The following THRB variants were observed in gnomAD, a reference collection of about 807,000 sequenced individuals.
THRB encodes thyroid hormone receptor beta.
Under a neutral mutation model 47.8 loss-of-function variants are expected in THRB, and 12 were observed. The ratio of observed to expected loss-of-function variants is 0.25; its 90% confidence interval spans 0.16 to 0.41. The LOEUF is 0.41. Ranked by LOEUF, THRB falls within the 10% of genes least tolerant of loss-of-function variation. The pLI is 1.00. For missense variants in THRB, 348 were observed against 589.2 expected, an observed-to-expected ratio of 0.59 and a Z score of 4.24; for synonymous variants, 218 against 212.2, an observed-to-expected ratio of 1.03 and a Z score of -0.24.
chr3:24,445,608 T>A (rs2071990997), intron 1 of THRB, among the ~76,000 whole-genome samples: 1 of 152,160 alleles, frequency 6.6e-6, no homozygotes, highest in Admixed American at 6.5e-5. Context: ...TTTTTAAAAT[T>A]TTTTTTAAAA....
intron 1 of THRB, among the ~76,000 whole-genome samples, chr3:24,404,105 T>C (rs1016049616): frequency 6.6e-6 from 1 of 151,928 alleles, no homozygotes; most frequent in African/African-American, 2.4e-5. Context: ...CTCAGATCTG[T>C]GGAGATGTAA....
At chr3:24,479,717 G>A (rs1696079685) in intron 1 of THRB, among the ~76,000 whole-genome samples, 1 of 152,138 alleles carries the variant, frequency 6.6e-6, no homozygotes, top group South Asian at 2.1e-4. Flanking sequence ...AAGTCCAAAT[G>A]AGGCCAACAA....
intron 1 of THRB, among the ~76,000 whole-genome samples, chr3:24,387,642 T>C (rs2066231283): frequency 6.6e-6 from 1 of 152,112 alleles, no homozygotes; most frequent in South Asian, 2.1e-4. Context: ...CAGTAGGCTA[T>C]CAAAAAGCAC....
chr3:24,474,118 A>G (rs1470162146), intron 1 of THRB, among the ~76,000 whole-genome samples: 1 of 152,244 alleles, frequency 6.6e-6, no homozygotes, highest in East Asian at 1.9e-4. Flanking sequence ...ATTTAAAAAA[A>G]GTTCGTTGTA....
At chr3:24,127,086 G>C (rs1273584043) in intron 10 of THRB, among the ~76,000 whole-genome samples, 1 of 152,194 alleles carries the variant, frequency 6.6e-6, no homozygotes, top group Non-Finnish European at 1.5e-5. Context: ...TTCAGTTGTA[G>C]CTAAGCCATG....
intron 4 of THRB, among the ~76,000 whole-genome samples, chr3:24,217,782 T>C (rs565651030): frequency 6.6e-6 from 1 of 152,288 alleles, no homozygotes; most frequent in East Asian, 1.9e-4. Flanking sequence ...TGTGGTCCCT[T>C]GCCTTGTCTG....
intron 5 of THRB, among the ~76,000 whole-genome samples, chr3:24,162,005 T>C (rs911101860): frequency 6.6e-6 from 1 of 152,028 alleles, no homozygotes; most frequent in Non-Finnish European, 1.5e-5. Context: ...GGCAGACTCC[T>C]AGGAAGGTTT....
chr3:24,180,519 A>G (rs1276749454), intron 5 of THRB, among the ~76,000 whole-genome samples: 3 of 152,248 alleles, frequency 2.0e-5, no homozygotes, highest in Admixed American at 6.5e-5. Context: ...GAGGTTCACA[A>G]TATATAATAA....
At chr3:24,344,343 C>T (rs1300348263) in intron 1 of THRB, among the ~76,000 whole-genome samples, 1 of 151,956 alleles carries the variant, frequency 6.6e-6, no homozygotes, top group Non-Finnish European at 1.5e-5. Flanking sequence ...TGTTTTCTAT[C>T]TGACATTTGA....
At chr3:24,277,558 G>A (rs550282242) in intron 3 of THRB, among the ~76,000 whole-genome samples, 2 of 152,246 alleles carry the variant, frequency 1.3e-5, no homozygotes, top group South Asian at 4.1e-4. Flanking sequence ...TTTTGAGAAT[G>A]ACTGGTCTAT....
chr3:24,478,217 A>T (rs1695783023), intron 1 of THRB, among the ~76,000 whole-genome samples: 1 of 152,050 alleles, frequency 6.6e-6, no homozygotes, highest in African/African-American at 2.4e-5. Flanking sequence ...CAGATTTTGG[A>T]GTATGCATAT....
At chr3:24,384,250 G>A (rs2065917516) in intron 1 of THRB, among the ~76,000 whole-genome samples, 1 of 152,090 alleles carries the variant, frequency 6.6e-6, no homozygotes, top group Admixed American at 6.6e-5. Flanking sequence ...AATGAGCCCT[G>A]TACATTAAAA....
At chr3:24,218,020 A>G (rs1443175227) in intron 4 of THRB, among the ~76,000 whole-genome samples, 3 of 152,172 alleles carry the variant, frequency 2.0e-5, no homozygotes, top group Non-Finnish European at 2.9e-5. Context: ...TAGTCCCAGC[A>G]CTTTGGGAGG....
At chr3:24,133,092 T>C (rs1006181784) in intron 9 of THRB, among the ~76,000 whole-genome samples, 1 of 152,196 alleles carries the variant, frequency 6.6e-6, no homozygotes, top group Admixed American at 6.5e-5. Flanking sequence ...GGGGGATGAA[T>C]AGGATCTTGA....
chr3:24,368,591 C>T (rs967760361), intron 1 of THRB, among the ~76,000 whole-genome samples: 8 of 152,206 alleles, frequency 5.3e-5, no homozygotes, highest in Middle Eastern at 6.8e-3. Flanking sequence ...TTGAAATAAC[C>T]GCAGAATAAA....
At chr3:24,286,652 C>G (rs527814728) in intron 3 of THRB, among the ~76,000 whole-genome samples, 1 of 152,192 alleles carries the variant, frequency 6.6e-6, no homozygotes, top group Non-Finnish European at 1.5e-5. Context: ...ACGCATTTCA[C>G]TAGCAGCTTT....
Position 24,239,416 on chromosome 3 carries a change from G to A in THRB, c.-42-10415C>T, listed in dbSNP as rs551446681. On this transcript the variant is annotated intron_variant, in intron 3 of 10. Transcript: ENST00000646209. ...TCAGGAATGCACCAGAGCAATTAGA[G>A]CAATCATTAGTTCCAATTTGCAAGA... Among the ~76,000 whole-genome samples, 3 of 152,182 alleles carry A rather than the reference G, an allele frequency of 2.0e-5. No individual in the cohort carries two copies. The South Asian group carries it at 6.2e-4, about 32-fold the overall frequency.
In THRB at chr3:24,372,711, T is replaced by C. The variant is rs535954560; in HGVS notation, c.-260-35340A>G. Among the ~76,000 whole-genome samples, 7 of 152,172 alleles carry C rather than the reference T, an allele frequency of 4.6e-5. No individual in the cohort carries two copies. In the East Asian group the frequency reaches 1.4e-3, roughly 30 times the overall value. ...TCCATGCTTCTCTAACCATCCCCAT[T>C]TTACAGACAGGAGAGTCCAATGTCT... On this transcript the variant is annotated intron_variant, in intron 1 of 10. Transcript: ENST00000646209.
At chr3:24,154,521 A>G (rs571141949) in intron 5 of THRB, among the ~76,000 whole-genome samples, 16 of 152,352 alleles carry the variant, frequency 1.1e-4, no homozygotes, top group African/African-American at 3.6e-4. Context: ...AAGATGCTCA[A>G]CATCATTGCA....
Sources: allele counts gnomAD v4.1 joint callset (sites outside exome capture counted in the v4.1 genomes callset), GRCh38; gene constraint gnomAD v4.1.1; transcripts MANE v1.5; gene names NCBI Gene and HGNC (gene_info 2026-07-23, HGNC 2026-07-21).